The following SGCZ variants were observed in gnomAD, a reference collection of about 807,000 sequenced individuals.
The protein encoded by SGCZ is sarcoglycan zeta.
SGCZ carries 40 observed loss-of-function variants against 41.3 expected under a neutral mutation model. The observed-to-expected ratio is 0.97, with a 90% CI of 0.75 to 1.26. The LOEUF (loss-of-function observed/expected upper bound fraction) is 1.26. Ranked by LOEUF, SGCZ falls within the 50% of genes most tolerant of loss-of-function variation. The pLI is 0.00. For synonymous variants in SGCZ, 206 were observed against 137.5 expected (o/e 1.50, Z -3.49); for missense variants, 552 against 369.8 (o/e 1.49, Z -4.04).
chr8:14,642,924 G>A (rs934344831), intron 1 of SGCZ, among the ~76,000 whole-genome samples: 1 of 151,476 alleles, frequency 6.6e-6, no homozygotes, highest in Non-Finnish European at 1.5e-5. Flanking sequence ...GCTTAAAAGG[G>A]TAGAGATTTC....
At chr8:14,988,962 T>C (rs1401710949) in intron 1 of SGCZ, among the ~76,000 whole-genome samples, 1 of 152,176 alleles carries the variant, frequency 6.6e-6, no homozygotes, top group Non-Finnish European at 1.5e-5. Flanking sequence ...CTCAACTTAG[T>C]GATTCCAAAA....
At chr8:14,741,180 G>C (rs902690014) in intron 1 of SGCZ, among the ~76,000 whole-genome samples, 3 of 151,970 alleles carry the variant, frequency 2.0e-5, no homozygotes, top group African/African-American at 7.2e-5. Flanking sequence ...TTGCTTTCTT[G>C]TTTTCCTGGG....
intron 2 of SGCZ, among the ~76,000 whole-genome samples, chr8:14,490,189 C>A (rs891719517): frequency 3.3e-5 from 5 of 152,098 alleles, no homozygotes; most frequent in Non-Finnish European, 7.4e-5. Flanking sequence ...TTTATTTCAA[C>A]AGATATGTCA....
rs1801611445 is a variant in SGCZ, at chr8:14,089,109, T to C, written c.*1334A>G. 1.3e-5 allele frequency among the ~76,000 whole-genome samples: 2 copies of C among 151,998 alleles called. No homozygotes were observed. Among genetic ancestry groups the C allele is most frequent in the Non-Finnish European group, 2.9e-5 (2 of 67,946 alleles). On this transcript the variant is annotated 3_prime_UTR_variant, in exon 8 of 8. Coordinates refer to ENST00000382080, the MANE Select transcript of SGCZ (RefSeq NM_139167.4). ...GTTAAGGGGTGCTGTGATAAATGAATATTCAGTATTCTGGAGTTGTTTACT... is the reference window on the plus strand; with the variant it reads ...GTTAAGGGGTGCTGTGATAAATGAACATTCAGTATTCTGGAGTTGTTTACT...
chr8:14,184,611 A>G (rs776023339), intron 4 of SGCZ, among the ~76,000 whole-genome samples: 1 of 152,208 alleles, frequency 6.6e-6, no homozygotes, highest in African/African-American at 2.4e-5. Context: ...TATCAATGCT[A>G]CTTCCTCACT....
chr8:14,344,291 T>C (rs529972198), intron 2 of SGCZ, among the ~76,000 whole-genome samples: 1 of 151,776 alleles, frequency 6.6e-6, no homozygotes, highest in African/African-American at 2.4e-5. Flanking sequence ...AACAAATAAC[T>C]ATCCAGTAAT....
At chr8:14,523,461 T>C (rs1802849040) in intron 2 of SGCZ, among the ~76,000 whole-genome samples, 1 of 152,082 alleles carries the variant, frequency 6.6e-6, no homozygotes, top group South Asian at 2.1e-4. Flanking sequence ...TTTTCTTCTT[T>C]ATTCCTCAGA....
At chr8:14,319,109 C>T (rs1166182565) in intron 3 of SGCZ, among the ~76,000 whole-genome samples, 3 of 151,702 alleles carry the variant, frequency 2.0e-5, no homozygotes, top group Non-Finnish European at 4.4e-5. Context: ...CAAAGATGAC[C>T]TAACATAAGA....
At chr8:14,483,661 GA>G (rs1801595069) in intron 2 of SGCZ, among the ~76,000 whole-genome samples, 1 of 152,160 alleles carries the variant, frequency 6.6e-6, no homozygotes, top group Non-Finnish European at 1.5e-5. Context: ...AATTCAAAGA[GA>G]GTATATTGTA....
chr8:14,710,369 C>CAA (rs770994264), intron 1 of SGCZ, among the ~76,000 whole-genome samples: 1,821 of 92,020 alleles, frequency 0.02, 39 homozygotes, highest in African/African-American at 0.054. Flanking sequence ...GACTCCGCAT[C>CAA]AAAAAAAAAA....
intron 3 of SGCZ, among the ~76,000 whole-genome samples, chr8:14,269,331 C>T (rs1286132953): frequency 1.3e-5 from 2 of 152,044 alleles, no homozygotes; most frequent in Non-Finnish European, 2.9e-5. Context: ...ATATTAGAAG[C>T]AGTGCTAATA....
At chr8:14,162,873 A>C (rs898649211) in intron 5 of SGCZ, among the ~76,000 whole-genome samples, 1 of 152,018 alleles carries the variant, frequency 6.6e-6, no homozygotes, top group African/African-American at 2.4e-5. Flanking sequence ...ACATCTTTTT[A>C]TTTTATTTTA....
At chr8:15,212,430 G>A (rs570204931) in intron 1 of SGCZ, among the ~76,000 whole-genome samples, 43 of 152,132 alleles carry the variant, frequency 2.8e-4, no homozygotes, top group Non-Finnish European at 4.4e-4. Context: ...TATGTTATTC[G>A]TTTCAAGGCG....
Position 14,456,424 on chromosome 8 carries a change from A to C in SGCZ, c.234+98308T>G, listed in dbSNP as rs114587405. 4.7e-3 allele frequency among the ~76,000 whole-genome samples: 719 copies of C among 152,298 alleles called. 8 individuals are homozygous for C. The highest frequency in any genetic ancestry group is 0.016 in the African/African-American group (664 of 41,562). ...ACTCCATCTCAAAAAATTAAAAATA[A>C]ATAAATAGAATTTGCAGAGGAAAAG... On this transcript the variant is annotated intron_variant, in intron 2 of 7. Coordinates refer to ENST00000382080, the MANE Select transcript of SGCZ (RefSeq NM_139167.4).
chr8:14,244,871 G>C (rs1252293133), intron 3 of SGCZ, among the ~76,000 whole-genome samples: 22 of 151,962 alleles, frequency 1.4e-4, no homozygotes, highest in Admixed American at 1.2e-3. Flanking sequence ...AATGGGAGTT[G>C]ACTCATGATT....
intron 1 of SGCZ, among the ~76,000 whole-genome samples, chr8:14,883,693 T>A (rs79137678): frequency 0.049 from 7,460 of 151,484 alleles, 216 homozygotes; most frequent in Non-Finnish European, 0.061. Context: ...CTAGATTTCA[T>A]CCTCTACTAA....
intron 1 of SGCZ, among the ~76,000 whole-genome samples, chr8:14,985,590 C>T (rs1801802892): frequency 6.6e-6 from 1 of 152,104 alleles, no homozygotes. Flanking sequence ...AGGATGTGTG[C>T]TTAATATATT....
intron 1 of SGCZ, among the ~76,000 whole-genome samples, chr8:14,582,048 G>A (rs988660785): frequency 1.4e-4 from 21 of 151,998 alleles, no homozygotes; most frequent in African/African-American, 4.1e-4. Flanking sequence ...CCTACTCAAC[G>A]TGATGATGAG....
intron 3 of SGCZ, among the ~76,000 whole-genome samples, chr8:14,285,081 G>C (rs529799069): frequency 6.6e-6 from 1 of 152,048 alleles, no homozygotes; most frequent in East Asian, 1.9e-4. Flanking sequence ...GTTGATTTTT[G>C]CCTTTAATAA....
Sources: gnomAD v4.1 joint callset for allele counts (sites outside exome capture counted in the v4.1 genomes callset) on GRCh38, gnomAD v4.1.1 for gene constraint, MANE v1.5 for transcripts, NCBI Gene and HGNC (gene_info 2026-07-23, HGNC 2026-07-21) for gene names.